Variants in GABRG1 observed in about 807,000 individuals in gnomAD.
The protein encoded by GABRG1 is gamma-aminobutyric acid type A receptor subunit gamma1.
A neutral mutation model predicts 49.8 loss-of-function variants in GABRG1; 49 were observed. The observed-to-expected ratio is 0.98, with a 90% CI of 0.78 to 1.25. GABRG1 has a LOEUF of 1.25. Ranked by LOEUF, GABRG1 falls within the 50% of genes most tolerant of loss-of-function variation. GABRG1 has a pLI of 0.00. For synonymous variants in GABRG1, 232 were observed against 185.1 expected, an observed-to-expected ratio of 1.25 and a Z score of -2.06; for missense variants, 552 against 552.3, an observed-to-expected ratio of 1.00 and a Z score of 0.01.
chr4:46,079,670 A>G (rs1251849551), intron 3 of GABRG1, among the ~76,000 whole-genome samples: 1 of 151,858 alleles, frequency 6.6e-6, no homozygotes, highest in Non-Finnish European at 1.5e-5. Context: ...TTTTGTACTT[A>G]CTAATCTTAT....
chr4:46,095,844 C>T (rs930420988), intron 2 of GABRG1, among the ~76,000 whole-genome samples: 1 of 151,702 alleles, frequency 6.6e-6, no homozygotes, highest in Non-Finnish European at 1.5e-5. Flanking sequence ...ATTTTAGGTT[C>T]GGGGTTACAA....
chr4:46,096,700 T>C (rs2109430924), intron 2 of GABRG1, among the ~76,000 whole-genome samples: 1 of 150,368 alleles, frequency 6.7e-6, no homozygotes, highest in East Asian at 2.0e-4. Flanking sequence ...CCAAAAAAAG[T>C]GTCCTTAAAA....
chr4:46,046,428 T>C (rs1577628751), intron 8 of GABRG1, among the ~76,000 whole-genome samples: 1 of 152,242 alleles, frequency 6.6e-6, no homozygotes, highest in Middle Eastern at 3.4e-3. Context: ...ACTGACTCTT[T>C]ACAATTGTTT....
At chr4:46,068,568 A>G (rs1719000500) in intron 3 of GABRG1, among the ~76,000 whole-genome samples, 1 of 152,118 alleles carries the variant, frequency 6.6e-6, no homozygotes, top group African/African-American at 2.4e-5. Context: ...TCAAGAAGAG[A>G]AAGACTCAGA....
intron 3 of GABRG1, among the ~76,000 whole-genome samples, chr4:46,082,937 G>C (rs937738727): frequency 2.6e-5 from 4 of 151,586 alleles, no homozygotes; most frequent in African/African-American, 9.7e-5. Context: ...AATGTCTTGA[G>C]CTTTATTATA....
chr4:46,076,389 A>ATC, intron 3 of GABRG1, among the ~76,000 whole-genome samples: 1 of 141,400 alleles, frequency 7.1e-6, no homozygotes, highest in South Asian at 2.2e-4. Context: ...ATATATATAT[A>ATC]TATATATATA....
intron 1 of GABRG1, among the ~76,000 whole-genome samples, chr4:46,117,673 T>A (rs1331029136): frequency 6.9e-6 from 1 of 144,868 alleles, no homozygotes; most frequent in Non-Finnish European, 1.5e-5. Context: ...TATATAGCTG[T>A]ATATATATAC....
chr4:46,058,622 T>C lies in GABRG1; in HGVS notation c.626A>G (p.Tyr209Cys). ...EHSCPLEFSS[Y>C]GYPKNEIEYK... is the part of the protein sequence containing the mutation. ...CTCAATTTCATTTTTAGGGTATCCA[T>C]CTATAGAGAAAAAATACATAGATTA... Residue 209 changes from tyrosine to cysteine, a missense_variant and splice_region_variant, in exon 6 of 9, where the codon TAT (tyrosine) becomes TGT (cysteine). By Grantham distance (194) the Tyr-to-Cys change is radical. Coordinates refer to ENST00000295452, the MANE Select transcript of GABRG1 (RefSeq NM_173536.4). 7 of 1,609,374 alleles carry C rather than the reference T, an allele frequency of 4.3e-6. No individual in the cohort carries two copies. Among genetic ancestry groups the C allele is most frequent in the Non-Finnish European group, 5.9e-6 (7 of 1,177,524 alleles).
rs757968043 is a variant in GABRG1 at position 46,038,244 on chromosome 4, T to G, written c.*2744A>C. ...ACTTACTTGGGTTTACAAAAATTAATTTAAGTGAGCCTAATTTTGTCCATG... is the reference window on the plus strand; with the variant it reads ...ACTTACTTGGGTTTACAAAAATTAAGTTAAGTGAGCCTAATTTTGTCCATG... On this transcript the variant is annotated 3_prime_UTR_variant, in exon 9 of 9. Transcript: ENST00000295452. 1 of 151,632 alleles carries G rather than the reference T, an allele frequency of 6.6e-6. No homozygotes were observed. Among genetic ancestry groups the G allele is most frequent in the African/African-American group, 2.4e-5 (1 of 41,386 alleles). 9.4% of individuals were successfully genotyped at this position (151,632 alleles called of 1,614,324 possible).
intron 3 of GABRG1, among the ~76,000 whole-genome samples, chr4:46,066,783 T>C (rs1415353024): frequency 6.6e-6 from 1 of 151,514 alleles, no homozygotes; most frequent in African/African-American, 2.4e-5. Context: ...ATATATAAAA[T>C]GAACAAGAAT....
At chr4:46,100,098 A>G (rs1448308268) in intron 1 of GABRG1, among the ~76,000 whole-genome samples, 1 of 151,834 alleles carries the variant, frequency 6.6e-6, no homozygotes, top group Admixed American at 6.6e-5. Context: ...TACGTACATC[A>G]TTACAGTAAT....
chr4:46,088,540 C>T (rs1289235329), intron 2 of GABRG1, among the ~76,000 whole-genome samples: 2 of 151,938 alleles, frequency 1.3e-5, no homozygotes, highest in Non-Finnish European at 2.9e-5. Flanking sequence ...TGATAAGACA[C>T]ATTTGTATCT....
chr4:46,067,803 G>A lies in GABRG1; in HGVS notation c.322-2219C>T, dbSNP rs139994389. On this transcript the variant is annotated intron_variant, in intron 3 of 8. Transcript: ENST00000295452. The stretch of plus-strand genomic sequence containing the variant: ...ATAATACATAGTAATTCGTATTTAC[G>A]CTGTAGATGTTTAATCATCTTATTG... Among the ~76,000 whole-genome samples, 170 of 152,188 alleles carry A rather than the reference G, an allele frequency of 1.1e-3. 1 individual carries two copies. The East Asian group carries it at 0.012, about 11-fold the overall frequency.
At chr4:46,118,533 T>A (rs1371900087) in intron 1 of GABRG1, among the ~76,000 whole-genome samples, 2 of 151,142 alleles carry the variant, frequency 1.3e-5, no homozygotes, top group African/African-American at 2.4e-5. Flanking sequence ...GATTTCTGTA[T>A]CCTGTTCATC....
At chr4:46,068,721 A>C (rs1422462719) in intron 3 of GABRG1, among the ~76,000 whole-genome samples, 1 of 152,152 alleles carries the variant, frequency 6.6e-6, no homozygotes, top group Non-Finnish European at 1.5e-5. Context: ...CGTAATAAAA[A>C]AAAATCCAGT....
At chr4:46,051,320 G>T (rs533010987) in intron 8 of GABRG1, 104 bp downstream of exon 8, 4 of 798,536 alleles carry the variant, frequency 5.0e-6, no homozygotes, top group East Asian at 2.7e-5. Flanking sequence ...TTTGGTTATG[G>T]GTCTCAAGCG....
chr4:46,106,599 T>C (rs1271331639), intron 1 of GABRG1, among the ~76,000 whole-genome samples: 1 of 151,442 alleles, frequency 6.6e-6, no homozygotes, highest in Non-Finnish European at 1.5e-5. Flanking sequence ...TTGAACACAA[T>C]GAATGCTTGG....
At chr4:46,109,726 T>C (rs1720661870) in intron 1 of GABRG1, among the ~76,000 whole-genome samples, 2 of 151,164 alleles carry the variant, frequency 1.3e-5, no homozygotes. Flanking sequence ...TGTCTTCATT[T>C]ATTTCAAATA....
Position 46,038,488 on chromosome 4 carries a change from C to T in GABRG1, c.*2500G>A, listed in dbSNP as rs1717618554. ...TAGCATTAAAAACATTGAAAGCATC[C>T]AGGAAAATCAAGTTCCAATAAATTC... On this transcript the variant is annotated 3_prime_UTR_variant, in exon 9 of 9. Transcript: ENST00000295452. The T allele has an allele frequency of 6.6e-6, 1 of 151,246 alleles. No individual in the cohort carries two copies. Among genetic ancestry groups the T allele is most frequent in the Non-Finnish European group, 1.5e-5 (1 of 67,612 alleles). The allele number at this position is 151,246 out of a possible 1,614,324, so 9.4% of individuals were successfully genotyped here.
Sources: gnomAD v4.1 joint callset for allele counts (sites outside exome capture counted in the v4.1 genomes callset) on GRCh38, gnomAD v4.1.1 for gene constraint, MANE v1.5 for transcripts, NCBI Gene and HGNC (gene_info 2026-07-23, HGNC 2026-07-21) for gene names.